Variants in CNTNAP5 observed in about 807,000 individuals in gnomAD.
CNTNAP5 encodes contactin-associated protein-like 5.
Under a neutral mutation model 150.2 loss-of-function variants are expected in CNTNAP5, and 72 were observed. The ratio of observed to expected loss-of-function variants is 0.48; its 90% confidence interval spans 0.40 to 0.58. CNTNAP5 has a LOEUF of 0.58. Among genes scored for constraint, CNTNAP5 ranks in the 20% least tolerant of loss-of-function variants. The probability of loss-of-function intolerance (pLI) is 0.00; values close to 1 mark genes in which losing one functional copy is unlikely to be tolerated. For missense variants in CNTNAP5, 1,636 were observed against 1,626.2 expected (o/e 1.01, Z -0.10); for synonymous variants, 672 against 619.8 (o/e 1.08, Z -1.25).
At chr2:124,491,889 A>G (rs1420553598) in intron 7 of CNTNAP5, among the ~76,000 whole-genome samples, 1 of 152,016 alleles carries the variant, frequency 6.6e-6, no homozygotes, top group Non-Finnish European at 1.5e-5. Flanking sequence ...TGGCCACTTC[A>G]ATGTCCTCTT....
chr2:124,221,013 C>G (rs913608411), intron 1 of CNTNAP5, among the ~76,000 whole-genome samples: 4 of 152,092 alleles, frequency 2.6e-5, no homozygotes, highest in Admixed American at 6.6e-5. Context: ...ATGGCCCCAC[C>G]CTGTCCCACA....
chr2:124,713,630 T>C (rs13019330), intron 13 of CNTNAP5, among the ~76,000 whole-genome samples: 24,627 of 151,672 alleles, frequency 0.16, 2,264 homozygotes, highest in East Asian at 0.24. Context: ...CCCGCATTGG[T>C]TTCCTAAAGT....
At chr2:124,355,690 AAAAAG>A (rs1452201695) in intron 3 of CNTNAP5, among the ~76,000 whole-genome samples, 3 of 152,198 alleles carry the variant, frequency 2.0e-5, no homozygotes, top group Non-Finnish European at 2.9e-5. Flanking sequence ...CCCAGCAGGC[AAAAAG>A]CCTGCAACAT....
chr2:124,628,657 A>G (rs1298131457), intron 12 of CNTNAP5, among the ~76,000 whole-genome samples: 2 of 152,180 alleles, frequency 1.3e-5, no homozygotes, highest in African/African-American at 2.4e-5. Context: ...AACTACATTA[A>G]CAAGTCTGCA....
At chr2:124,252,594 CT>C (rs1687214378) in intron 3 of CNTNAP5, among the ~76,000 whole-genome samples, 1 of 152,214 alleles carries the variant, frequency 6.6e-6, no homozygotes, top group Non-Finnish European at 1.5e-5. Flanking sequence ...ACACTCCCCC[CT>C]CATTCCACGT....
intron 1 of CNTNAP5, among the ~76,000 whole-genome samples, chr2:124,188,072 G>C (rs1685372948): frequency 6.6e-6 from 1 of 152,140 alleles, no homozygotes; most frequent in African/African-American, 2.4e-5. Flanking sequence ...CTGGCATCTG[G>C]TCTTCTGAGC....
intron 19 of CNTNAP5, among the ~76,000 whole-genome samples, chr2:124,854,781 A>G (rs547614096): frequency 1.3e-5 from 2 of 152,330 alleles, no homozygotes; most frequent in African/African-American, 2.4e-5. Context: ...AGGATGAGAA[A>G]GACAAAAGAG....
chr2:124,799,228 TAATACGAGAA>T (rs1434451437), intron 19 of CNTNAP5, among the ~76,000 whole-genome samples: 22 of 152,260 alleles, frequency 1.4e-4, no homozygotes, highest in African/African-American at 5.1e-4. Flanking sequence ...GGACAAAATG[TAATACGAGAA>T]GTTGAGAGTG....
intron 1 of CNTNAP5, among the ~76,000 whole-genome samples, chr2:124,215,035 A>G (rs1453088134): frequency 6.6e-6 from 1 of 152,088 alleles, no homozygotes; most frequent in Non-Finnish European, 1.5e-5. Flanking sequence ...TATTTTTGTT[A>G]TTTTCTAAGT....
rs553431344 is a variant in CNTNAP5 at position 124,708,030 on chromosome 2, A to G, written c.2078-39199A>G. On this transcript the variant is annotated intron_variant, in intron 13 of 23. Transcript: ENST00000682447. ...ATGTCAAGTAACTAGTTGGACCTAC[A>G]TGATGGTGTTTTGTTCACTGTTGCT... Among the ~76,000 whole-genome samples, 29 of 152,340 alleles carry G rather than the reference A, an allele frequency of 1.9e-4. No homozygotes were observed. The East Asian group carries it at 3.1e-3, about 16-fold the overall frequency.
chr2:124,066,105 T>G (rs1359235675), intron 1 of CNTNAP5, among the ~76,000 whole-genome samples: 1 of 152,158 alleles, frequency 6.6e-6, no homozygotes, highest in Non-Finnish European at 1.5e-5. Context: ...TAGCTGACAC[T>G]GGGTATTGGT....
chr2:124,764,455 G>T (rs1026491000), intron 16 of CNTNAP5, among the ~76,000 whole-genome samples: 1 of 152,124 alleles, frequency 6.6e-6, no homozygotes, highest in Non-Finnish European at 1.5e-5. Flanking sequence ...CTTTATTCAT[G>T]ACACTTTCCA....
intron 1 of CNTNAP5, among the ~76,000 whole-genome samples, chr2:124,094,736 G>T (rs1682895795): frequency 6.6e-6 from 1 of 152,156 alleles, no homozygotes; most frequent in South Asian, 2.1e-4. Flanking sequence ...GGGGGCTAAA[G>T]ATTTCCTGGT....
chr2:124,761,615 A>C (rs1217920319), intron 14 of CNTNAP5, among the ~76,000 whole-genome samples: 1 of 151,988 alleles, frequency 6.6e-6, no homozygotes, highest in Non-Finnish European at 1.5e-5. Flanking sequence ...CTGACAAGAG[A>C]TTGTGTGTCA....
At chr2:124,491,755 CTT>C (rs779522824) in intron 7 of CNTNAP5, among the ~76,000 whole-genome samples, 1 of 146,470 alleles carries the variant, frequency 6.8e-6, no homozygotes, top group African/African-American at 2.5e-5. Context: ...ATACTTGTAC[CTT>C]TTTTTTTTTC....
intron 13 of CNTNAP5, among the ~76,000 whole-genome samples, chr2:124,732,264 C>G (rs1680288079): frequency 6.6e-6 from 1 of 151,980 alleles, no homozygotes; most frequent in African/African-American, 2.4e-5. Context: ...TTCCATACTT[C>G]TTGTTTCTTT....
At chr2:124,630,862 C>T (rs932701753) in intron 12 of CNTNAP5, among the ~76,000 whole-genome samples, 1 of 152,270 alleles carries the variant, frequency 6.6e-6, no homozygotes, top group East Asian at 1.9e-4. Context: ...AGCTGATAAG[C>T]AACTTCAGCA....
chr2:124,312,631 C>T (rs888902903), intron 3 of CNTNAP5, among the ~76,000 whole-genome samples: 1 of 152,202 alleles, frequency 6.6e-6, no homozygotes, highest in African/African-American at 2.4e-5. Flanking sequence ...ACTGCAGTGG[C>T]ACTACCTCGG....
At position 124,746,242 on chromosome 2, in the gene CNTNAP5, G is replaced by T. The variant is rs569028994; in HGVS notation, c.2078-987G>T. On this transcript the variant is annotated intron_variant, in intron 13 of 23. Coordinates refer to ENST00000682447, the MANE Select transcript of CNTNAP5 (RefSeq NM_001367498.1). ...CTAATGATGTATAACACTTTCATCT[G>T]CCTGTCTTGTTTTGGATGCAGTATC... Among the ~76,000 whole-genome samples the T allele has an allele frequency of 2.6e-5, 4 of 152,210 alleles. No individual in the cohort carries two copies. In the East Asian group the frequency reaches 7.7e-4, roughly 29 times the overall value.
Sources: allele counts gnomAD v4.1 joint callset (sites outside exome capture counted in the v4.1 genomes callset), GRCh38; gene constraint gnomAD v4.1.1; transcripts MANE v1.5; gene names NCBI Gene and HGNC (gene_info 2026-07-23, HGNC 2026-07-21).